CLK1: variants seen among roughly 807,000 people sequenced by gnomAD.
The protein encoded by CLK1 is dual specificity protein kinase CLK1.
CLK1 carries 40 observed loss-of-function variants against 60.9 expected under a neutral mutation model. The observed-to-expected ratio is 0.66, with a 90% CI of 0.51 to 0.86. The LOEUF is 0.86. Among genes scored for constraint, CLK1 ranks in the 40% least tolerant of loss-of-function variants. CLK1 has a pLI of 0.00. For synonymous variants in CLK1, 203 were observed against 184.4 expected (o/e 1.10, Z -0.82); for missense variants, 563 against 606.1 (o/e 0.93, Z 0.75).
intron 1 of CLK1, among the ~76,000 whole-genome samples, chr2:200,862,555 A>G (rs2039156956): frequency 1.3e-5 from 2 of 152,176 alleles, no homozygotes; most frequent in African/African-American, 2.4e-5. Flanking sequence ...AACTAATGAT[A>G]ATCCCACCAC....
intron 12 of CLK1, among the ~76,000 whole-genome samples, 165 bp from the exon 13 acceptor site, chr2:200,853,614 G>A (rs1163710214): frequency 1.3e-5 from 2 of 149,566 alleles, no homozygotes; most frequent in Non-Finnish European, 3.0e-5. Flanking sequence ...GCCAAGGCAG[G>A]TGGATCACTT....
At chr2:200,856,845 A>C (rs756324567) in intron 8 of CLK1, 34 bp from the exon 9 acceptor site, 2 of 1,613,354 alleles carry the variant, frequency 1.2e-6, no homozygotes, top group East Asian at 2.2e-5. Context: ...AGAAGGCATA[A>C]GCTATTAAGG....
chr2:200,857,915 GT>G, intron 6 of CLK1, 31 bp from the exon 7 acceptor site: 1 of 1,611,768 alleles, frequency 6.2e-7, no homozygotes, highest in Non-Finnish European at 8.5e-7. Flanking sequence ...GCTAAGTATA[GT>G]TGCTCCTAAT....
At chr2:200,857,937 C>T in intron 6 of CLK1, 36 bp downstream of exon 6, 1 of 1,610,062 alleles carries the variant, frequency 6.2e-7, no homozygotes, top group Non-Finnish European at 8.5e-7. Flanking sequence ...TTAAATATAC[C>T]TGATACCACT....
At position 200,864,556 on chromosome 2, in the gene CLK1, C is replaced by G. The variant is rs187152521; in HGVS notation, c.-1+8G>C. ...CTGTCACCTAGTCCGCTCCCTCCTG[C>G]GTCTTACCGTCCTGGACAAAGACTC... On this transcript the variant is annotated splice_region_variant and intron_variant, in intron 1 of 12. Transcript: ENST00000321356. The G allele has an allele frequency of 3.2e-6, 1 of 312,566 alleles. No individual in the cohort carries two copies. The highest frequency in any genetic ancestry group is 6.9e-5 in the East Asian group (1 of 14,408). The allele number at this position is 312,566 out of a possible 1,614,324, so 19.4% of individuals were successfully genotyped here.
chr2:200,858,744 T>C (rs1438836544), intron 5 of CLK1, among the ~76,000 whole-genome samples: 1 of 151,310 alleles, frequency 6.6e-6, no homozygotes, highest in Non-Finnish European at 1.5e-5. Flanking sequence ...CTCATGTCCT[T>C]ACCAATCAAT....
intron 10 of CLK1, 149 bp downstream of exon 10, chr2:200,854,855 A>T: frequency 1.3e-6 from 1 of 778,822 alleles, no homozygotes; most frequent in Non-Finnish European, 2.1e-6. Flanking sequence ...AGATGTTTTA[A>T]ATAAAACAAT....
Position 200,857,803 on chromosome 2 carries a change from G to T in CLK1, c.747C>A (p.Tyr249Ter), listed in dbSNP as rs1231686057. Residue 249 changes from tyrosine (Y) to a stop codon, truncating the protein, a stop_gained, in exon 7 of 13, where the codon TAC becomes TAA. Transcript: ENST00000321356. LOFTEE classifies it high-confidence loss of function. ...GAAAACCATTTTCTTTAATGAAGTCGTAAGTACTAAGTCCCAATAGTTCAA... is the reference window on the plus strand; with the variant it reads ...GAAAACCATTTTCTTTAATGAAGTCTTAAGTACTAAGTCCCAATAGTTCAA... ...IVFELLGLST[Y>*]DFIKENGFLP... is the part of the protein sequence containing the mutation. 1 of 1,613,552 alleles carries T rather than the reference G, an allele frequency of 6.2e-7. No individual in the cohort carries two copies.
intron 9 of CLK1, 33 bp downstream of exon 9, chr2:200,856,649 T>C (rs764801035): frequency 1.3e-6 from 2 of 1,532,446 alleles, no homozygotes; most frequent in Non-Finnish European, 8.8e-7. Flanking sequence ...AATAAGGAAA[T>C]ACAAAGGTTC....
rs751448751 is a variant in CLK1 at position 200,855,076 on chromosome 2, C to A, written c.1068G>T (p.Trp356Cys). 1.2e-6 allele frequency: 2 copies of A among 1,611,462 alleles called. No individual in the cohort carries two copies. The highest frequency in any genetic ancestry group is 1.7e-5 in the Admixed American group (1 of 59,542). The change falls in exon 10 of 13, where the codon TGG becomes TGT. Residue 356 changes from tryptophan (W) to cysteine (C), a missense_variant. Coordinates refer to ENST00000321356, the MANE Select transcript of CLK1 (RefSeq NM_004071.4). ...RAPEVILALG[W>C]SQPCDVWSIG... is the part of the protein sequence containing the mutation. The stretch of plus-strand genomic sequence containing the variant: ...TGCTCCAGACATCACATGGTTGGGA[C>A]CACCCTAGGGCTGCAAAGCAAAGCA...
At chr2:200,860,611 T>C in intron 3 of CLK1, 1 of 996,982 alleles carries the variant, frequency 1.0e-6, no homozygotes, top group Non-Finnish European at 1.2e-6. Context: ...AAGTAGGCGG[T>C]GGCCAAATTA....
At position 200,853,971 on chromosome 2, in the gene CLK1, C is replaced by A. The variant is rs546735253; in HGVS notation, c.1243G>T (p.Asp415Tyr). 2 of 1,609,864 alleles carry A rather than the reference C, an allele frequency of 1.2e-6. No homozygotes were observed. Among genetic ancestry groups the A allele is most frequent in the South Asian group, 1.1e-5 (1 of 90,590 alleles). ...CTGTGTTCATCCCAGTCTAATCGAT[C>A]GTGGTGAAAATATTTACGTTTCCTA... ...KTRKRKYFHH[D>Y]RLDWDEHSSA... The change falls in exon 12 of 13, where the codon GAT (aspartate) becomes TAT (tyrosine). Residue 415 changes from aspartate to tyrosine, a missense_variant. Physicochemically the swap from Asp to Tyr is radical, Grantham distance 160. This residue lies in a region of CLK1 where 360 missense variants were observed against 407.0 expected (regional missense o/e 0.88). Transcript: ENST00000321356.
chr2:200,859,310 C>T (rs1275950734), intron 5 of CLK1, among the ~76,000 whole-genome samples: 1 of 152,138 alleles, frequency 6.6e-6, no homozygotes, highest in Non-Finnish European at 1.5e-5. Context: ...TCCTAGGTAA[C>T]TACCCTGAAA....
chr2:200,857,103 C>T lies in CLK1; in HGVS notation c.833-118G>A, dbSNP rs192524555. 4.6e-5 allele frequency: 35 copies of T among 755,148 alleles called. 1 individual carries two copies. Among genetic ancestry groups the T allele is most frequent in the African/African-American group, 3.8e-4 (22 of 57,296 alleles). 46.8% of individuals were successfully genotyped at this position (755,148 alleles called of 1,614,324 possible). A position where few individuals can be genotyped will look rare whatever the true frequency, so the allele number is the denominator to read the frequency against. On this transcript the variant is annotated intron_variant, in intron 7 of 12. Transcript: ENST00000321356. Reference sequence around the variant, plus strand: ...CTGTAATCACCTGAGGTCAGGAGTTCGAGACCAGCCTGACCAATATGGTGA... The same window carrying T: ...CTGTAATCACCTGAGGTCAGGAGTTTGAGACCAGCCTGACCAATATGGTGA...
chr2:200,855,285 G>A (rs1003026344), intron 9 of CLK1, among the ~76,000 whole-genome samples, 199 bp from the exon 10 acceptor site: 9 of 151,780 alleles, frequency 5.9e-5, no homozygotes, highest in African/African-American at 2.2e-4. Context: ...AGACCAGCCT[G>A]GGCAACACAG....
At chr2:200,857,347 C>A in intron 7 of CLK1, 1 of 258,186 alleles carries the variant, frequency 3.9e-6, no homozygotes, top group Non-Finnish European at 7.4e-6. Flanking sequence ...GATTCCTTTC[C>A]CAAAGAATGG....
In CLK1 at chr2:200,853,326, G is replaced by C; in HGVS notation, c.1435C>G (p.Leu479Val). ...REALKHPFFDLLKKSI is the reference protein window; with the variant it reads ...REALKHPFFDVLKKSI ...CAGATCTATATACTTTTCTTCAGAA[G>C]GTCAAAGAAAGGATGCTTTAAGGCT... is the stretch of plus-strand genomic sequence containing the variant. Residue 479 changes from leucine to valine, a missense_variant, in exon 13 of 13, where the codon CTT (leucine) becomes GTT (valine). By Grantham distance (32) the Leu-to-Val change is conservative (BLOSUM62 1). Around this residue, in one of 3 missense-constraint regions of CLK1, gnomAD observed 360 missense variants for 407.0 expected, o/e 0.88. Transcript: ENST00000321356. 6.2e-7 allele frequency: 1 copy of C among 1,610,668 alleles called. No individual in the cohort carries two copies. The highest frequency in any genetic ancestry group is 8.5e-7 in the Non-Finnish European group (1 of 1,178,516).
chr2:200,862,073 T>C (rs1264458831), intron 1 of CLK1, among the ~76,000 whole-genome samples: 1 of 149,718 alleles, frequency 6.7e-6, no homozygotes, highest in Admixed American at 6.7e-5. Flanking sequence ...GCATTAGCCA[T>C]ATCATGCCCA....
intron 9 of CLK1, among the ~76,000 whole-genome samples, chr2:200,856,227 C>G (rs2039040540): frequency 6.6e-6 from 1 of 151,794 alleles, no homozygotes; most frequent in African/African-American, 2.4e-5. Context: ...TGTACCACCA[C>G]ACCCAGCTAA....
Sources: allele counts gnomAD v4.1 joint callset (sites outside exome capture counted in the v4.1 genomes callset), GRCh38; gene constraint gnomAD v4.1.1; regional missense constraint gnomAD v4.1.1; transcripts MANE v1.5; gene names NCBI Gene and HGNC (gene_info 2026-07-23, HGNC 2026-07-21).